GYPB: variants seen among roughly 807,000 people sequenced by gnomAD.
GYPB encodes the protein glycophorin-B.
A neutral mutation model predicts 15.3 loss-of-function variants in GYPB; 13 were observed. The ratio of observed to expected loss-of-function variants is 0.85; its 90% CI spans 0.55 to 1.35. The LOEUF (loss-of-function observed/expected upper bound fraction) is 1.35. Ranked by LOEUF, GYPB falls within the 40% of genes most tolerant of loss-of-function variation. The pLI is 0.00. For synonymous variants in GYPB, 38 were observed against 36.9 expected, an observed-to-expected ratio of 1.03 and a Z score of -0.11; for missense variants, 131 against 108.3, an observed-to-expected ratio of 1.21 and a Z score of -0.93.
intron 1 of GYPB, among the ~76,000 whole-genome samples, chr4:144,006,568 T>C (rs531486175): frequency 2.2e-3 from 329 of 152,002 alleles, no homozygotes; most frequent in Admixed American, 2.5e-3. Flanking sequence ...TACCCTTCAG[T>C]TTTGCTGTAT....
intron 1 of GYPB, among the ~76,000 whole-genome samples, chr4:144,009,836 A>G (rs1728126168): frequency 1.3e-5 from 2 of 150,566 alleles, no homozygotes; most frequent in South Asian, 4.2e-4. Flanking sequence ...GACGATCTCG[A>G]TCTCCTGACC....
chr4:143,997,485 C>G, intron 4 of GYPB, 55 bp downstream of exon 4: 1 of 950,610 alleles, frequency 1.1e-6, no homozygotes, highest in Non-Finnish European at 1.7e-6. Context: ...GGAATAAACC[C>G]TCCTAGAGCT....
At chr4:144,013,968 T>G (rs575212319) in intron 1 of GYPB, among the ~76,000 whole-genome samples, 6 of 151,420 alleles carry the variant, frequency 4.0e-5, no homozygotes, top group Admixed American at 1.3e-4. Flanking sequence ...TCCAAAGATA[T>G]GCAAAATGCA....
chr4:144,002,749 A>G lies in GYPB; in HGVS notation c.38-1466T>C, dbSNP rs751121018. On this transcript the variant is annotated intron_variant, in intron 1 of 4. Coordinates refer to ENST00000502664, the MANE Select transcript of GYPB (RefSeq NM_002100.6). ...CTTCTCTGACACCTCTCATTAGTCT[A>G]CTCAAGGGAAGAGTTCTAAAACCTT... 5 of 1,234,492 alleles carry G rather than the reference A, an allele frequency of 4.1e-6. No individual in the cohort carries two copies. The African/African-American group carries it at 6.4e-5, about 16-fold the overall frequency. The allele number at this position is 1,234,492 out of a possible 1,614,324, so 76.5% of individuals were successfully genotyped here. A position where few individuals can be genotyped will look rare whatever the true frequency, so the allele number is the denominator to read the frequency against.
intron 1 of GYPB, among the ~76,000 whole-genome samples, chr4:144,013,485 C>T (rs1579068926): frequency 6.6e-6 from 1 of 151,248 alleles, no homozygotes. Context: ...TTTATTGTGG[C>T]ATTATTCACA....
intron 1 of GYPB, among the ~76,000 whole-genome samples, chr4:144,013,525 T>C (rs1419516928): frequency 6.6e-6 from 1 of 151,302 alleles, no homozygotes; most frequent in Non-Finnish European, 1.5e-5. Context: ...AACCCAAATG[T>C]CCATCAATGA....
intron 1 of GYPB, among the ~76,000 whole-genome samples, chr4:144,002,095 A>C (rs1267433477): frequency 6.6e-6 from 1 of 151,154 alleles, no homozygotes; most frequent in Non-Finnish European, 1.5e-5. Flanking sequence ...TTTTATTCTT[A>C]AATGCAATAC....
chr4:144,017,239 C>G (rs1728548393), intron 1 of GYPB, among the ~76,000 whole-genome samples: 1 of 149,762 alleles, frequency 6.7e-6, no homozygotes, highest in East Asian at 1.9e-4. Context: ...AATGGGTTCT[C>G]CATTTGGAAG....
chr4:144,002,662 A>G (rs1315539134), intron 1 of GYPB: 1 of 1,285,570 alleles, frequency 7.8e-7, no homozygotes, highest in East Asian at 5.5e-5. Context: ...AGAGGCAGCC[A>G]ACTTGGCCCC....
intron 1 of GYPB, among the ~76,000 whole-genome samples, chr4:144,007,700 G>T (rs1406927771): frequency 3.3e-5 from 5 of 151,718 alleles, no homozygotes; most frequent in East Asian, 3.9e-4. Flanking sequence ...GCCATCAAAT[G>T]GTTGGGGGAT....
In GYPB at chr4:144,016,677, C is replaced by T. The variant is rs1728517104; in HGVS notation, c.37+2574G>A. On this transcript the variant is annotated intron_variant, in intron 1 of 4. Coordinates refer to ENST00000502664, the MANE Select transcript of GYPB (RefSeq NM_002100.6). The stretch of plus-strand genomic sequence containing the variant: ...AGTAAACACAAAAAGCTTTTGGAGA[C>T]TCCTGGTTTATGCCATAATTTCCTA... The T allele has an allele frequency of 5.9e-6, 2 of 340,916 alleles. 1 individual carries two copies. The highest frequency in any genetic ancestry group is 4.4e-5 in the African/African-American group (2 of 45,516). The allele number at this position is 340,916 out of a possible 1,614,324, so 21.1% of individuals were successfully genotyped here. A position where few individuals can be genotyped will look rare whatever the true frequency, so the allele number is the denominator to read the frequency against.
chr4:144,014,504 T>C (rs1560715714), intron 1 of GYPB, among the ~76,000 whole-genome samples: 1 of 151,538 alleles, frequency 6.6e-6, no homozygotes, highest in East Asian at 1.9e-4. Flanking sequence ...GGATGAACTT[T>C]ATTTTAGGTG....
intron 1 of GYPB, among the ~76,000 whole-genome samples, chr4:144,007,529 C>T (rs11930514): frequency 0.01 from 1,525 of 151,572 alleles, 96 homozygotes; most frequent in African/African-American, 0.035. Flanking sequence ...GTCATCCACA[C>T]TGTCCCAAAC....
At chr4:144,000,616 A>G (rs1241314898) in intron 2 of GYPB, 7 of 308,072 alleles carry the variant, frequency 2.3e-5, no homozygotes, top group Non-Finnish European at 4.4e-5. Context: ...AACTAACAAG[A>G]GAGACTGCCA....
chr4:144,001,144 C>G lies in GYPB; in HGVS notation c.136+41G>C, dbSNP rs190397503. On this transcript the variant is annotated intron_variant, in intron 2 of 4. Transcript: ENST00000502664. ...TAAAATAGGGTTGCATCACAAAAAT[C>G]ATTTCGGAGCCACAATTTAAAAATA... 424 of 1,610,902 alleles carry G rather than the reference C, an allele frequency of 2.6e-4. 7 individuals are homozygous for G. In the African/African-American group the frequency reaches 2.7e-3, roughly 10 times the overall value.
chr4:144,002,585 T>A (rs1315918315), intron 1 of GYPB: 1 of 1,286,740 alleles, frequency 7.8e-7, no homozygotes, highest in South Asian at 1.2e-5. Flanking sequence ...GCTCATCTCT[T>A]GGAGACATTC....
chr4:144,005,972 G>A (rs1727891956), intron 1 of GYPB, among the ~76,000 whole-genome samples: 1 of 151,528 alleles, frequency 6.6e-6, no homozygotes. Flanking sequence ...TCACCTAGCA[G>A]GCAAGTGTTG....
Position 143,997,606 on chromosome 4 carries a change from C to T in GYPB, c.204G>A (p.Leu68=). The change falls in exon 4 of 5, where the codon TTG becomes TTA. Residue 68 remains leucine, a synonymous_variant. Transcript: ENST00000502664. ...TTCCAATAATACCAGCCATCACACA[C>T]AAAATAATGAGTATTATCACTACAG... The part of the protein sequence containing the change: ...PAPVVIILII[L]CVMAGIIGTI... 3 of 1,591,188 alleles carry T rather than the reference C, an allele frequency of 1.9e-6. No individual in the cohort carries two copies. Among genetic ancestry groups the T allele is most frequent in the Non-Finnish European group, 2.6e-6 (3 of 1,161,728 alleles).
chr4:143,996,123 T>C lies in GYPB; in HGVS notation c.*176A>G, dbSNP rs1429448703. 5.6e-6 allele frequency: 8 copies of C among 1,428,658 alleles called. No homozygotes were observed. The highest frequency in any genetic ancestry group is 1.5e-5 in the South Asian group (1 of 66,920). 88.5% of individuals were successfully genotyped at this position (1,428,658 alleles called of 1,614,324 possible). On this transcript the variant is annotated 3_prime_UTR_variant, in exon 5 of 5. Coordinates refer to ENST00000502664, the MANE Select transcript of GYPB (RefSeq NM_002100.6). ...CATGAAAACGGTTTGTATTTTGTTTTATTTTTATTTAGAAGTAGAGAATAC... is the reference window on the plus strand; with the variant it reads ...CATGAAAACGGTTTGTATTTTGTTTCATTTTTATTTAGAAGTAGAGAATAC...
Sources: gnomAD v4.1 joint callset for allele counts (sites outside exome capture counted in the v4.1 genomes callset) on GRCh38, gnomAD v4.1.1 for gene constraint, MANE v1.5 for transcripts, NCBI Gene and HGNC (gene_info 2026-07-23, HGNC 2026-07-21) for gene names.